SNX13: variants seen among roughly 807,000 people sequenced by gnomAD.
SNX13 encodes sorting nexin 13.
SNX13 carries 45 observed loss-of-function variants against 133.6 expected under a neutral mutation model. The observed-to-expected ratio is 0.34, with a 90% CI of 0.27 to 0.43. The LOEUF is 0.43. Among genes scored for constraint, SNX13 ranks in the 20% least tolerant of loss-of-function variants. SNX13 has a pLI of 1.00. For synonymous variants in SNX13, 414 were observed against 373.9 expected (o/e 1.11, Z -1.24); for missense variants, 1,032 against 1,145.1 (o/e 0.90, Z 1.43).
intron 15 of SNX13, among the ~76,000 whole-genome samples, chr7:17,833,840 C>T (rs1262320141): frequency 6.6e-6 from 1 of 151,536 alleles, no homozygotes; most frequent in Non-Finnish European, 1.5e-5. Flanking sequence ...GAATTCAAGG[C>T]TTCTATAGTT....
intron 9 of SNX13, among the ~76,000 whole-genome samples, chr7:17,857,605 GA>G (rs1358024964): frequency 6.6e-6 from 1 of 152,074 alleles, no homozygotes; most frequent in Non-Finnish European, 1.5e-5. Flanking sequence ...CCAACATGGT[GA>G]AACCTCATCT....
chr7:17,895,037 T>C (rs967777734), intron 2 of SNX13, among the ~76,000 whole-genome samples: 12 of 152,360 alleles, frequency 7.9e-5, no homozygotes, highest in African/African-American at 2.4e-4. Context: ...AAGATTCAAG[T>C]TGGCCCTCTA....
At chr7:17,845,500 A>T in intron 12 of SNX13, 95 bp downstream of exon 12, 1 of 748,374 alleles carries the variant, frequency 1.3e-6, no homozygotes, top group Non-Finnish European at 2.2e-6. Context: ...ACACTTAAAA[A>T]TAGTTGAGAT....
At chr7:17,907,399 T>C (rs1292049138) in intron 1 of SNX13, 1 of 152,220 alleles carries the variant, frequency 6.6e-6, no homozygotes, top group African/African-American at 2.4e-5. Context: ...CTAGTTGCTC[T>C]TTGTTACAGA....
At chr7:17,871,130 C>T (rs556785967) in intron 8 of SNX13, among the ~76,000 whole-genome samples, 22 of 151,968 alleles carry the variant, frequency 1.4e-4, no homozygotes, top group East Asian at 3.9e-4. Context: ...CTCAGCCTCC[C>T]GAGTAGCTGG....
intron 9 of SNX13, among the ~76,000 whole-genome samples, chr7:17,854,481 T>G (rs1043152588): frequency 6.6e-6 from 1 of 152,204 alleles, no homozygotes; most frequent in Non-Finnish European, 1.5e-5. Flanking sequence ...TTTAACAAAC[T>G]GAAGTTTTCT....
At position 17,893,471 on chromosome 7, in the gene SNX13, A is replaced by G. The variant is rs757613376; in HGVS notation, c.126-37T>C. Reference sequence around the variant, plus strand: ...AATTTAATCACAAATATAAAAACAAAATTTCCTTATAATTTAATGAATCTA... The same window carrying G: ...AATTTAATCACAAATATAAAAACAAGATTTCCTTATAATTTAATGAATCTA... On this transcript the variant is annotated intron_variant, in intron 2 of 25. Coordinates refer to ENST00000428135, the MANE Select transcript of SNX13 (RefSeq NM_015132.5). The G allele has an allele frequency of 4.7e-6, 6 of 1,278,260 alleles. No homozygotes were observed. The Admixed American group carries it at 1.1e-4, about 24-fold the overall frequency. The allele number at this position is 1,278,260 out of a possible 1,614,324, so 79.2% of individuals were successfully genotyped here. A position where few individuals can be genotyped will look rare whatever the true frequency, so the allele number is the denominator to read the frequency against.
At chr7:17,825,255 T>TC in intron 17 of SNX13, among the ~76,000 whole-genome samples, 1 of 143,556 alleles carries the variant, frequency 7.0e-6, no homozygotes, top group Non-Finnish European at 1.5e-5. Flanking sequence ...TAAACTAGAT[T>TC]AAACTAGACT....
chr7:17,911,597 C>T (rs1443759640), intron 1 of SNX13, among the ~76,000 whole-genome samples: 3 of 149,770 alleles, frequency 2.0e-5, no homozygotes, highest in East Asian at 2.0e-4. Flanking sequence ...AAGATCGCGC[C>T]ACTGCACTCC....
At chr7:17,830,108 A>G in intron 15 of SNX13, 61 bp from the exon 16 acceptor site, 1 of 1,383,792 alleles carries the variant, frequency 7.2e-7, no homozygotes, top group Non-Finnish European at 9.7e-7. Flanking sequence ...TGCTTTATCT[A>G]AGGTTCAAAC....
At chr7:17,794,504 G>T in intron 25 of SNX13, 1 of 553,812 alleles carries the variant, frequency 1.8e-6, no homozygotes, top group Non-Finnish European at 3.1e-6. Context: ...GCTACTGGGA[G>T]ACAATATAGC....
intron 24 of SNX13, among the ~76,000 whole-genome samples, chr7:17,798,398 C>A (rs1339051126): frequency 6.6e-6 from 1 of 151,792 alleles, no homozygotes; most frequent in Non-Finnish European, 1.5e-5. Context: ...ACAACCATAT[C>A]ATTTTTAGGT....
At chr7:17,938,334 G>A (rs1394984141) in intron 1 of SNX13, among the ~76,000 whole-genome samples, 1 of 152,024 alleles carries the variant, frequency 6.6e-6, no homozygotes, top group Non-Finnish European at 1.5e-5. Flanking sequence ...TCTACTGAGA[G>A]TTAGGAGATG....
At chr7:17,864,803 G>A (rs1793170481) in intron 9 of SNX13, among the ~76,000 whole-genome samples, 1 of 145,458 alleles carries the variant, frequency 6.9e-6, no homozygotes, top group Non-Finnish European at 1.5e-5. Context: ...GGAGGGGAAA[G>A]GGAAGAAAGG....
intron 1 of SNX13, among the ~76,000 whole-genome samples, chr7:17,927,099 C>T (rs925352625): frequency 6.6e-6 from 1 of 151,420 alleles, no homozygotes; most frequent in Non-Finnish European, 1.5e-5. Context: ...TTTTAATAAG[C>T]TAAACAAGAT....
chr7:17,797,669 A>G (rs1435646931), intron 24 of SNX13, among the ~76,000 whole-genome samples: 1 of 151,772 alleles, frequency 6.6e-6, no homozygotes, highest in Non-Finnish European at 1.5e-5. Context: ...CTCCCTGGAC[A>G]TGGGATCTAG....
At position 17,840,082 on chromosome 7, in the gene SNX13, G is replaced by C. The variant is rs1014038568; in HGVS notation, c.1166-82C>G. 2.2e-5 allele frequency: 26 copies of C among 1,168,880 alleles called. No individual in the cohort carries two copies. In the African/African-American group the frequency reaches 3.6e-4, roughly 16 times the overall value. 72.4% of individuals were successfully genotyped at this position (1,168,880 alleles called of 1,614,324 possible). On this transcript the variant is annotated intron_variant, in intron 12 of 25. Coordinates refer to ENST00000428135, the MANE Select transcript of SNX13 (RefSeq NM_015132.5). ...ATGTAGTTTTATGACAAGTAAAGAA[G>C]GATTAAAGTTTCAAGTGTTTAAAAC... is the stretch of plus-strand genomic sequence containing the variant.
rs750563475 is a variant in SNX13 at position 17,798,703 on chromosome 7, C to T, written c.2500G>A (p.Val834Met). 6.8e-5 allele frequency: 107 copies of T among 1,577,792 alleles called. 1 individual carries two copies. The highest frequency in any genetic ancestry group is 1.3e-4 in the Admixed American group (7 of 53,712). Reference sequence around the variant, plus strand: ...CTTAAGATATACCTGAAACGTTTCACTGAGTCGGCTACTTGTTCAGGTGAA... The same window carrying T: ...CTTAAGATATACCTGAAACGTTTCATTGAGTCGGCTACTTGTTCAGGTGAA... The part of the protein sequence containing the change: ...MTSPEQVADS[V>M]KRFRDAFWPN... The change falls in exon 24 of 26, where the codon GTG (valine) becomes ATG (methionine). Residue 834 changes from valine (V) to methionine (M), a missense_variant. Coordinates refer to ENST00000428135, the MANE Select transcript of SNX13 (RefSeq NM_015132.5).
At chr7:17,807,116 C>G (rs745433400) in intron 20 of SNX13, among the ~76,000 whole-genome samples, 3 of 152,202 alleles carry the variant, frequency 2.0e-5, no homozygotes, top group African/African-American at 7.2e-5. Context: ...ACCGTTCACT[C>G]CCCTGGAAAG....
Sources: gnomAD v4.1 joint callset for allele counts (sites outside exome capture counted in the v4.1 genomes callset) on GRCh38, gnomAD v4.1.1 for gene constraint, MANE v1.5 for transcripts, NCBI Gene and HGNC (gene_info 2026-07-23, HGNC 2026-07-21) for gene names.